The following LMO7 variants were observed in gnomAD, a reference collection of about 807,000 sequenced individuals.
LMO7 encodes the protein LIM domain only protein 7.
LMO7 carries 120 observed loss-of-function variants against 206.5 expected under a neutral mutation model. That is an observed-to-expected ratio of 0.58 (90% confidence interval 0.50 to 0.68). The LOEUF is 0.68. Among genes scored for constraint, LMO7 ranks in the 30% least tolerant of loss-of-function variants. The pLI, the probability that LMO7 is intolerant of heterozygous loss-of-function variation, is 0.00. For synonymous variants in LMO7, 706 were observed against 681.5 expected (o/e 1.04, Z -0.56); for missense variants, 1,959 against 1,957.9 (o/e 1.00, Z -0.01).
At chr13:75,771,591 G>GAATTTT (rs2049740234) in intron 4 of LMO7, among the ~76,000 whole-genome samples, 1 of 23,046 alleles carries the variant, frequency 4.3e-5, no homozygotes, top group African/African-American at 1.7e-4. Flanking sequence ...GAATTAGTAA[G>GAATTTT]TATATTTTAT....
chr13:75,719,976 G>A (rs1217198615), intron 2 of LMO7, among the ~76,000 whole-genome samples: 1 of 152,152 alleles, frequency 6.6e-6, no homozygotes, highest in Non-Finnish European at 1.5e-5. Flanking sequence ...GAGAGTTTTT[G>A]TTGTTCCACG....
intron 3 of LMO7, among the ~76,000 whole-genome samples, chr13:75,732,587 G>A (rs1203047158): frequency 2.0e-5 from 3 of 152,246 alleles, no homozygotes; most frequent in Admixed American, 6.5e-5. Context: ...CCTGTAGCTC[G>A]GAGTAGTTTG....
intron 3 of LMO7, among the ~76,000 whole-genome samples, chr13:75,759,015 C>T (rs2047923866): frequency 6.6e-6 from 1 of 152,100 alleles, no homozygotes; most frequent in African/African-American, 2.4e-5. Flanking sequence ...ATCTGCATGG[C>T]TGGGAAGGCC....
intron 1 of LMO7, among the ~76,000 whole-genome samples, chr13:75,652,798 G>T (rs2037712478): frequency 6.6e-6 from 1 of 152,056 alleles, no homozygotes; most frequent in Non-Finnish European, 1.5e-5. Context: ...TTATAAAATT[G>T]AATTGAGAGG....
At chr13:75,848,515 G>A (rs1325954725) in intron 26 of LMO7, among the ~76,000 whole-genome samples, 1 of 151,944 alleles carries the variant, frequency 6.6e-6, no homozygotes, top group Non-Finnish European at 1.5e-5. Flanking sequence ...ATGGGCATTT[G>A]GGTTGGTTCC....
intron 3 of LMO7, among the ~76,000 whole-genome samples, chr13:75,731,213 A>C (rs548855902): frequency 8.0e-4 from 121 of 152,184 alleles, no homozygotes; most frequent in African/African-American, 2.8e-3. Flanking sequence ...TGATCTGCCT[A>C]ATGTTGACAG....
At chr13:75,728,700 C>G (rs1430159285) in intron 3 of LMO7, among the ~76,000 whole-genome samples, 6 of 133,922 alleles carry the variant, frequency 4.5e-5, no homozygotes, top group Non-Finnish European at 9.4e-5. Flanking sequence ...AGTCCTTGCC[C>G]ATGCCTATAT....
At chr13:75,819,322 G>A (rs971407067) in intron 12 of LMO7, 71 bp from the exon 13 acceptor site, 2 of 1,480,432 alleles carry the variant, frequency 1.4e-6, no homozygotes, top group Non-Finnish European at 1.8e-6. Flanking sequence ...AGATACTCTG[G>A]CACATTCTGT....
In LMO7 at chr13:75,662,704, T is replaced by C. The variant is rs538673219; in HGVS notation, c.69+25978T>C. Among the ~76,000 whole-genome samples the C allele has an allele frequency of 6.6e-5, 10 of 152,360 alleles. No homozygotes were observed. In the South Asian group the frequency reaches 1.4e-3, roughly 22 times the overall value. On this transcript the variant is annotated intron_variant, in intron 1 of 30. Transcript: ENST00000377534. ...GAAGCTGATTATTTAACCAGGATTATAATTTTCAGCCACTTTTTTGCATCC... is the reference window on the plus strand; with the variant it reads ...GAAGCTGATTATTTAACCAGGATTACAATTTTCAGCCACTTTTTTGCATCC...
At chr13:75,788,484 T>C (rs964293577) in intron 4 of LMO7, among the ~76,000 whole-genome samples, 6 of 148,510 alleles carry the variant, frequency 4.0e-5, no homozygotes, top group Non-Finnish European at 7.4e-5. Flanking sequence ...GCCACTGCTC[T>C]GTCCTCAGAA....
chr13:75,681,203 T>C (rs1324047202), intron 1 of LMO7, among the ~76,000 whole-genome samples: 1 of 152,214 alleles, frequency 6.6e-6, no homozygotes, highest in Non-Finnish European at 1.5e-5. Flanking sequence ...TTGTTGCAAT[T>C]GCTTTCGATG....
At chr13:75,647,296 C>T (rs2037117743) in intron 1 of LMO7, among the ~76,000 whole-genome samples, 1 of 152,182 alleles carries the variant, frequency 6.6e-6, no homozygotes, top group Non-Finnish European at 1.5e-5. Flanking sequence ...ACATGACTAA[C>T]TTCTTGGTTA....
At chr13:75,771,283 G>T (rs1207986976) in intron 4 of LMO7, among the ~76,000 whole-genome samples, 1 of 152,080 alleles carries the variant, frequency 6.6e-6, no homozygotes, top group Non-Finnish European at 1.5e-5. Flanking sequence ...TAGAAGAGAT[G>T]TAGTACAAAT....
intron 3 of LMO7, among the ~76,000 whole-genome samples, chr13:75,738,395 G>C (rs1457491556): frequency 2.6e-5 from 4 of 152,216 alleles, no homozygotes; most frequent in Admixed American, 6.5e-5. Context: ...TACAGAGAGA[G>C]ATGTTAAGAT....
chr13:75,749,528 A>G (rs181611322), intron 3 of LMO7, among the ~76,000 whole-genome samples: 66 of 152,238 alleles, frequency 4.3e-4, no homozygotes, highest in African/African-American at 1.6e-3. Context: ...GTTAATTGTA[A>G]CCCGAGTGGA....
chr13:75,729,630 G>A (rs1226632362), intron 3 of LMO7, among the ~76,000 whole-genome samples: 6 of 150,538 alleles, frequency 4.0e-5, no homozygotes, highest in Non-Finnish European at 7.4e-5. Flanking sequence ...TCCTTCTCCT[G>A]CCTAATTGCC....
chr13:75,841,570 T>C (rs1048294069), intron 23 of LMO7, 58 bp from the exon 24 acceptor site: 11 of 1,222,804 alleles, frequency 9.0e-6, no homozygotes, highest in African/African-American at 4.6e-5. Flanking sequence ...TATGTGTCTA[T>C]ATGAAATTAC....
Position 75,845,309 on chromosome 13 carries a change from T to C in LMO7, c.4098-18T>C, listed in dbSNP as rs375362485. 1.8e-4 allele frequency: 248 copies of C among 1,349,126 alleles called. No homozygotes were observed. In the Middle Eastern group the frequency reaches 2.7e-3, roughly 15 times the overall value. 83.6% of individuals were successfully genotyped at this position (1,349,126 alleles called of 1,614,324 possible). On this transcript the variant is annotated intron_variant, in intron 25 of 30. Coordinates refer to ENST00000377534, the MANE Select transcript of LMO7 (RefSeq NM_001306080.2). ...TATTTAATGAGACATATTTAATATA[T>C]TGTGTTCTGTGTTTTAGGAATAAAT...
chr13:75,703,813 G>T (rs1943639017), intron 1 of LMO7, among the ~76,000 whole-genome samples: 1 of 152,078 alleles, frequency 6.6e-6, no homozygotes, highest in South Asian at 2.1e-4. Context: ...CATCATGAAT[G>T]ACTTTTTCAA....
Sources: allele counts gnomAD v4.1 joint callset (sites outside exome capture counted in the v4.1 genomes callset), GRCh38; gene constraint gnomAD v4.1.1; transcripts MANE v1.5; gene names NCBI Gene and HGNC (gene_info 2026-07-23, HGNC 2026-07-21).